The following DYNC1I1 variants were observed in gnomAD, a reference collection of about 807,000 sequenced individuals.
DYNC1I1 encodes cytoplasmic dynein 1 intermediate chain 1.
DYNC1I1 carries 43 observed loss-of-function variants against 86.6 expected under a neutral mutation model. That is an observed-to-expected ratio of 0.50 (90% CI 0.39 to 0.64). DYNC1I1 has a LOEUF of 0.64. Ranked by LOEUF, DYNC1I1 falls within the 30% of genes least tolerant of loss-of-function variation. DYNC1I1 has a pLI of 0.00. For synonymous variants in DYNC1I1, 262 were observed against 283.7 expected, an observed-to-expected ratio of 0.92 and a Z score of 0.77; for missense variants, 604 against 788.8, an observed-to-expected ratio of 0.77 and a Z score of 2.81.
At position 96,080,354 on chromosome 7, in the gene DYNC1I1, C is replaced by T. The variant is rs42082; in HGVS notation, c.1651-9C>T. ...AGATTCTTTTATTCTGTTGTGAACCCTTTGGCAGGTTCCAACAGCAAGTGT... is the reference window on the plus strand; with the variant it reads ...AGATTCTTTTATTCTGTTGTGAACCTTTTGGCAGGTTCCAACAGCAAGTGT... On this transcript the variant is annotated splice_polypyrimidine_tract_variant and intron_variant, in intron 15 of 16. Transcript: ENST00000447467. 1 of 1,592,630 alleles carries T rather than the reference C, an allele frequency of 6.3e-7. No homozygotes were observed. The highest frequency in any genetic ancestry group is 8.5e-7 in the Non-Finnish European group (1 of 1,171,594).
At chr7:95,950,827 A>G (rs1356325105) in intron 6 of DYNC1I1, among the ~76,000 whole-genome samples, 1 of 152,208 alleles carries the variant, frequency 6.6e-6, no homozygotes, top group Non-Finnish European at 1.5e-5. Flanking sequence ...CCCAACAATA[A>G]AGATCACAAA....
At chr7:95,947,248 A>T (rs1341267535) in intron 6 of DYNC1I1, among the ~76,000 whole-genome samples, 2 of 152,178 alleles carry the variant, frequency 1.3e-5, no homozygotes, top group Non-Finnish European at 2.9e-5. Flanking sequence ...TCTTCTGTAA[A>T]TATCTACTCA....
chr7:95,801,918 C>G lies in DYNC1I1; in HGVS notation c.-9-2803C>G, dbSNP rs375664517. 2.4e-4 allele frequency among the ~76,000 whole-genome samples: 37 copies of G among 152,282 alleles called. 2 individuals carry two copies. In the South Asian group the frequency reaches 5.0e-3, roughly 20 times the overall value. ...AGGTCTGTGTCCTTCCGTGTGGACCCTCAGTCGGACCTGGTGGATCTACCT... is the reference window on the plus strand; with the variant it reads ...AGGTCTGTGTCCTTCCGTGTGGACCGTCAGTCGGACCTGGTGGATCTACCT... On this transcript the variant is annotated intron_variant, in intron 1 of 16. Transcript: ENST00000447467.
At chr7:95,777,329 C>T (rs921829727) in intron 1 of DYNC1I1, among the ~76,000 whole-genome samples, 14 of 152,170 alleles carry the variant, frequency 9.2e-5, no homozygotes, top group African/African-American at 3.4e-4. Flanking sequence ...CCTAACACAG[C>T]CTGAAAACTA....
At chr7:96,086,077 A>G (rs556729488) in intron 16 of DYNC1I1, among the ~76,000 whole-genome samples, 1 of 152,348 alleles carries the variant, frequency 6.6e-6, no homozygotes, top group South Asian at 2.1e-4. Flanking sequence ...GTATAGAATT[A>G]TTCACGTGTC....
intron 6 of DYNC1I1, among the ~76,000 whole-genome samples, chr7:95,908,202 AAATGTAT>A (rs1791227087): frequency 1.3e-5 from 2 of 152,174 alleles, no homozygotes; most frequent in African/African-American, 4.8e-5. Context: ...AGTTTAATAA[AAATGTAT>A]CTATCATAAA....
chr7:95,835,826 T>A (rs1410502681), intron 5 of DYNC1I1, among the ~76,000 whole-genome samples: 1 of 152,086 alleles, frequency 6.6e-6, no homozygotes, highest in South Asian at 2.1e-4. Flanking sequence ...ATTTGCTTGG[T>A]AGATCTTCCT....
intron 10 of DYNC1I1, among the ~76,000 whole-genome samples, chr7:96,020,786 G>T (rs1794526767): frequency 6.6e-6 from 1 of 152,284 alleles, no homozygotes; most frequent in South Asian, 2.1e-4. Flanking sequence ...TGTGGTTTAT[G>T]CATGCAATGG....
At position 95,996,038 on chromosome 7, in the gene DYNC1I1, A is replaced by T; in HGVS notation, c.934A>T (p.Lys312Ter). The change falls in exon 10 of 17, where the codon AAG (lysine) becomes TAG (stop). Residue 312 changes from lysine to a stop codon, truncating the protein, a stop_gained. Transcript: ENST00000447467. LOFTEE classifies it high-confidence loss of function. The stretch of plus-strand genomic sequence containing the variant: ...GGCCTTGGTTTGGAACATGAAGTTT[A>T]AGAAAACCACACCAGAATACGTCTT... The part of the protein sequence containing the change: ...GVALVWNMKF[K>*]KTTPEYVFHC... 6.2e-7 allele frequency: 1 copy of T among 1,614,014 alleles called. No homozygotes were observed. Among genetic ancestry groups the T allele is most frequent in the South Asian group, 1.1e-5 (1 of 91,056 alleles).
At chr7:96,052,758 G>A (rs1789441673) in intron 14 of DYNC1I1, among the ~76,000 whole-genome samples, 1 of 152,058 alleles carries the variant, frequency 6.6e-6, no homozygotes, top group African/African-American at 2.4e-5. Flanking sequence ...GGACAAAATG[G>A]GATCAGATGA....
At chr7:95,782,024 G>A (rs573202123) in intron 1 of DYNC1I1, among the ~76,000 whole-genome samples, 1 of 152,306 alleles carries the variant, frequency 6.6e-6, no homozygotes, top group Non-Finnish European at 1.5e-5. Context: ...TACATGTCCA[G>A]TGTGGGTCAA....
rs866184030 is a variant in DYNC1I1 at position 95,834,708 on chromosome 7, A to G, written c.374+6592A>G. On this transcript the variant is annotated intron_variant, in intron 5 of 16. Transcript: ENST00000447467. ...TCCTGGTTTAGTCTTGGGAGAGTGT[A>G]TGTGTCGAGGAATTTATCCATTTCT... Among the ~76,000 whole-genome samples, 437 of 111,950 alleles carry G rather than the reference A, an allele frequency of 3.9e-3. 3 individuals carry two copies. The highest frequency in any genetic ancestry group is 0.015 in the African/African-American group (423 of 27,386). The allele number at this position is 111,950 out of a possible 152,430, so 73.4% of individuals were successfully genotyped here.
intron 16 of DYNC1I1, among the ~76,000 whole-genome samples, chr7:96,093,662 T>G (rs1790914234): frequency 6.6e-6 from 1 of 152,148 alleles, no homozygotes; most frequent in Non-Finnish European, 1.5e-5. Context: ...AATATCTGAG[T>G]CATCCCTAAC....
intron 1 of DYNC1I1, among the ~76,000 whole-genome samples, chr7:95,791,276 A>C (rs1233766321): frequency 6.6e-6 from 1 of 152,214 alleles, no homozygotes; most frequent in East Asian, 1.9e-4. Flanking sequence ...ATTTGCCTGC[A>C]TCCTCTATCG....
At chr7:96,077,276 T>TGTGG (rs1554443206) in intron 15 of DYNC1I1, among the ~76,000 whole-genome samples, 1 of 137,342 alleles carries the variant, frequency 7.3e-6, no homozygotes, top group South Asian at 2.4e-4. Context: ...TGTGTGTGTG[T>TGTGG]GGGAGGGGGC....
chr7:96,056,402 C>T (rs1161625631), intron 14 of DYNC1I1, among the ~76,000 whole-genome samples: 1 of 152,102 alleles, frequency 6.6e-6, no homozygotes, highest in Non-Finnish European at 1.5e-5. Flanking sequence ...GGATGACCTC[C>T]TCCAGCTCCA....
At chr7:95,925,893 C>T (rs1290424458) in intron 6 of DYNC1I1, among the ~76,000 whole-genome samples, 1 of 151,976 alleles carries the variant, frequency 6.6e-6, no homozygotes, top group Non-Finnish European at 1.5e-5. Flanking sequence ...TATCTGTAGC[C>T]TCAAACTCAT....
chr7:95,841,739 C>T (rs988959780), intron 5 of DYNC1I1, among the ~76,000 whole-genome samples: 1 of 152,160 alleles, frequency 6.6e-6, no homozygotes, highest in Non-Finnish European at 1.5e-5. Flanking sequence ...AATTGCCTGC[C>T]CTGTTGACTT....
chr7:95,877,620 G>A lies in DYNC1I1; in HGVS notation c.490+7622G>A, dbSNP rs111618148. Among the ~76,000 whole-genome samples the A allele has an allele frequency of 6.3e-4, 96 of 152,336 alleles. 1 individual carries two copies. The highest frequency in any genetic ancestry group is 3.4e-3 in the Middle Eastern group (1 of 294). ...TCCTCAAAACAATCAAGATAGTGGT[G>A]TAAAGCAATTAAGAAAAGACTGGTA... On this transcript the variant is annotated intron_variant, in intron 6 of 16. Transcript: ENST00000447467.
Sources: allele counts gnomAD v4.1 joint callset (sites outside exome capture counted in the v4.1 genomes callset), GRCh38; gene constraint gnomAD v4.1.1; transcripts MANE v1.5; gene names NCBI Gene and HGNC (gene_info 2026-07-23, HGNC 2026-07-21).